TTC13: variants seen among roughly 807,000 people sequenced by gnomAD.
TTC13 encodes the protein tetratricopeptide repeat protein 13.
A neutral mutation model predicts 120.0 loss-of-function variants in TTC13; 62 were observed. The observed-to-expected ratio is 0.52, with a 90% confidence interval of 0.42 to 0.64. The LOEUF is 0.64. Among genes scored for constraint, TTC13 ranks in the 30% least tolerant of loss-of-function variants. TTC13 has a pLI of 0.00. For synonymous variants in TTC13, 384 were observed against 393.5 expected (o/e 0.98, Z 0.28); for missense variants, 824 against 1,050.2 (o/e 0.78, Z 2.98).
chr1:230,931,453 G>C lies in TTC13; in HGVS notation c.1145C>G (p.Pro382Arg), dbSNP rs201099425. The C allele has an allele frequency of 6.2e-7, 1 of 1,613,960 alleles. No homozygotes were observed. The highest frequency in any genetic ancestry group is 1.3e-5 in the African/African-American group (1 of 74,908). The change falls in exon 11 of 23, where the codon CCA becomes CGA. Residue 382 changes from proline to arginine, a missense_variant. Pro to Arg is a moderately radical substitution (Grantham distance 103). Around this residue, in one of 4 missense-constraint regions of TTC13, gnomAD observed 430 missense variants for 626.8 expected, o/e 0.69. Coordinates refer to ENST00000366661, the MANE Select transcript of TTC13 (RefSeq NM_024525.5). The stretch of plus-strand genomic sequence containing the variant: ...CATATACTGGCACACTTCATTATAT[G>C]GCTCTAGCTGCAGACACCGCTGAGG... Reference protein sequence around the residue: ...KNFKRCLQLEPYNEVCQYMKG... With the variant: ...KNFKRCLQLERYNEVCQYMKG...
At chr1:230,958,388 ATTAAGGCTACATTTGAT>A in intron 2 of TTC13, 89 bp from the exon 3 acceptor site, 1 of 1,426,834 alleles carries the variant, frequency 7.0e-7, no homozygotes, top group Non-Finnish European at 9.4e-7. Context: ...AAAAATTAAA[ATTAAGGCTACATTTGAT>A]TTAAGTGGAA....
At chr1:230,931,174 G>T in intron 11 of TTC13, 124 bp downstream of exon 11, 1 of 903,934 alleles carries the variant, frequency 1.1e-6, no homozygotes, top group Non-Finnish European at 1.7e-6. Flanking sequence ...AGGTGTGGCT[G>T]TGGATGAGTC....
chr1:230,923,034 A>G (rs1418848601), intron 15 of TTC13, among the ~76,000 whole-genome samples: 1 of 152,236 alleles, frequency 6.6e-6, no homozygotes, highest in Non-Finnish European at 1.5e-5. Context: ...AAATATACAT[A>G]CAAATTATAT....
chr1:230,908,696 C>G lies in TTC13; in HGVS notation c.2468+16G>C, dbSNP rs1298508568. ...CAGTTATGATACCCTTGTGTGGACC[C>G]CCCTCAAGTAGTTACCTTTTCAAGT... On this transcript the variant is annotated intron_variant, in intron 22 of 22. Coordinates refer to ENST00000366661, the MANE Select transcript of TTC13 (RefSeq NM_024525.5). 2.5e-6 allele frequency: 4 copies of G among 1,609,856 alleles called. No individual in the cohort carries two copies. In the South Asian group the frequency reaches 4.4e-5, roughly 18 times the overall value.
At chr1:230,945,055 A>G (rs1674861777) in intron 5 of TTC13, among the ~76,000 whole-genome samples, 1 of 152,214 alleles carries the variant, frequency 6.6e-6, no homozygotes, top group Admixed American at 6.5e-5. Flanking sequence ...TTCTTTCACC[A>G]ACCTTTAATA....
chr1:230,956,458 A>C, intron 3 of TTC13: 1 of 259,300 alleles, frequency 3.9e-6, no homozygotes, highest in Non-Finnish European at 7.5e-6. Flanking sequence ...CACTTCTCAT[A>C]ACTGTCTGGT....
intron 1 of TTC13, among the ~76,000 whole-genome samples, chr1:230,967,836 G>A (rs1677279902): frequency 6.6e-6 from 1 of 152,108 alleles, no homozygotes; most frequent in South Asian, 2.1e-4. Context: ...TACATAAATA[G>A]TATAAATTTC....
chr1:230,945,563 A>T lies in TTC13; in HGVS notation c.514-109T>A. 3 of 927,348 alleles carry T rather than the reference A, an allele frequency of 3.2e-6. No homozygotes were observed. In the South Asian group the frequency reaches 3.9e-5, roughly 12 times the overall value. The allele number at this position is 927,348 out of a possible 1,614,324, so 57.4% of individuals were successfully genotyped here. On this transcript the variant is annotated intron_variant, in intron 4 of 22. Coordinates refer to ENST00000366661, the MANE Select transcript of TTC13 (RefSeq NM_024525.5). ...CCGCAAGTGACAGCTCTACTTCTTT[A>T]TGCTACGACCACTCGTAAGTCAATA... is the stretch of plus-strand genomic sequence containing the variant.
chr1:230,912,648 ACTTTTC>A lies in TTC13; in HGVS notation c.2198_2203del (p.Gly733_Lys734del), dbSNP rs769209352. On this transcript the variant is annotated inframe_deletion, in exon 19 of 23. Transcript: ENST00000366661. ...CCCAAATTCTGATGAAAGAATCAAT[ACTTTTC>A]CTTTTGCTGTCAAATCTTTATAAAG... is the stretch of plus-strand genomic sequence containing the variant. 1 of 1,612,350 alleles carries A rather than the reference ACTTTTC, an allele frequency of 6.2e-7. No individual in the cohort carries two copies. Among genetic ancestry groups the A allele is most frequent in the South Asian group, 1.1e-5 (1 of 90,746 alleles).
intron 6 of TTC13, 108 bp downstream of exon 6, chr1:230,943,698 T>A (rs1674727889): frequency 3.7e-6 from 3 of 813,642 alleles, no homozygotes; most frequent in Admixed American, 5.3e-5. Context: ...TAGAAAAACA[T>A]AAGAGTTTTA....
rs779700101 is a variant in TTC13, at chr1:230,978,788, C to T, written c.43G>A (p.Gly15Ser). Residue 15 changes from glycine (G) to serine (S), a missense_variant, in exon 1 of 23, where the codon GGC (glycine) becomes AGC (serine). By Grantham distance (56) the Gly-to-Ser change is moderately conservative. Coordinates refer to ENST00000366661, the MANE Select transcript of TTC13 (RefSeq NM_024525.5). The surrounding 1 kb of genome is among the most constrained non-coding windows in gnomAD (Gnocchi z 5.6). The stretch of plus-strand genomic sequence containing the variant: ...GCGGCGCCCGCGGCGGCCACAGCGC[C>T]GCCCCAGAAGCAGCAGCAGCAGCAG... ...GCCCCCCFWG[G>S]AVAAAGAARR... The T allele has an allele frequency of 2.0e-4, 304 of 1,498,820 alleles. No individual in the cohort carries two copies. Among genetic ancestry groups the T allele is most frequent in the Non-Finnish European group, 2.5e-4 (286 of 1,133,384 alleles). 92.8% of individuals were successfully genotyped at this position (1,498,820 alleles called of 1,614,324 possible). A position where few individuals can be genotyped will look rare whatever the true frequency, so the allele number is the denominator to read the frequency against.
intron 8 of TTC13, among the ~76,000 whole-genome samples, chr1:230,934,424 T>C (rs1309077264): frequency 6.6e-6 from 1 of 152,112 alleles, no homozygotes; most frequent in Non-Finnish European, 1.5e-5. Context: ...AACCTTAAGT[T>C]GGAGGTGTTT....
intron 1 of TTC13, among the ~76,000 whole-genome samples, chr1:230,965,436 G>C (rs1677038595): frequency 6.6e-6 from 1 of 152,190 alleles, no homozygotes; most frequent in African/African-American, 2.4e-5. Context: ...TCTCACCCCA[G>C]TTAAAATGGT....
At chr1:230,948,658 T>A (rs1355728502) in intron 4 of TTC13, among the ~76,000 whole-genome samples, 2 of 152,048 alleles carry the variant, frequency 1.3e-5, no homozygotes, top group South Asian at 4.2e-4. Flanking sequence ...AGGCTAATTT[T>A]AAAATTTTTT....
intron 1 of TTC13, among the ~76,000 whole-genome samples, chr1:230,976,673 A>G (rs550252364): frequency 2.9e-4 from 44 of 152,178 alleles, no homozygotes; most frequent in Non-Finnish European, 5.7e-4. Context: ...GCTAGAAAAA[A>G]TAAGTACTAC....
Position 230,978,825 on chromosome 1 carries a change from T to C in TTC13, c.6A>G (p.Ala2=). Residue 2 remains alanine (A), a synonymous_variant, in exon 1 of 23, where the codon GCA becomes GCG. Coordinates refer to ENST00000366661, the MANE Select transcript of TTC13 (RefSeq NM_024525.5). This position sits in a 1 kb window ranked among gnomAD's most constrained non-coding sequence, Gnocchi z 5.6. M[A]PAGCCCCCCF... ...AGCAGCAGCAGCAGCAGCCGGCAGG[T>C]GCCATCTTCCCTCAAGGCGCATGCG... is the stretch of plus-strand genomic sequence containing the variant. The C allele has an allele frequency of 6.8e-7, 1 of 1,477,042 alleles. No individual in the cohort carries two copies. The highest frequency in any genetic ancestry group is 8.9e-7 in the Non-Finnish European group (1 of 1,124,486). 91.5% of individuals were successfully genotyped at this position (1,477,042 alleles called of 1,614,324 possible).
chr1:230,940,804 C>CA lies in TTC13; in HGVS notation c.673-249dup, dbSNP rs1674470863. 6.6e-6 allele frequency among the ~76,000 whole-genome samples: 1 copy of CA among 152,322 alleles called. No individual in the cohort carries two copies. Among genetic ancestry groups the CA allele is most frequent in the Non-Finnish European group, 1.5e-5 (1 of 68,030 alleles). ...CAGCAACTGCCTTGTCACTATTTCA[C>CA]ATTCTGGGTTGTATCAGATGTTGCT... On this transcript the variant is annotated intron_variant, in intron 6 of 22. Transcript: ENST00000366661. The surrounding 1 kb of genome is among the most constrained non-coding windows in gnomAD (Gnocchi z 4.1).
At chr1:230,914,668 C>G (rs768199023) in intron 18 of TTC13, among the ~76,000 whole-genome samples, 1 of 152,208 alleles carries the variant, frequency 6.6e-6, no homozygotes, top group East Asian at 1.9e-4. Flanking sequence ...GCTAGGATTA[C>G]AGGCGTGAGC....
At chr1:230,914,075 C>T (rs1344698179) in intron 18 of TTC13, among the ~76,000 whole-genome samples, 1 of 152,052 alleles carries the variant, frequency 6.6e-6, no homozygotes, top group Non-Finnish European at 1.5e-5. Flanking sequence ...AGATGGGATG[C>T]CAGGCAGAGT....
Sources: gnomAD v4.1 joint callset for allele counts (sites outside exome capture counted in the v4.1 genomes callset) on GRCh38, gnomAD v4.1.1 for gene constraint, gnomAD v4.1.1 regional missense constraint, Gnocchi (gnomAD v3.1) non-coding constraint, MANE v1.5 for transcripts, NCBI Gene and HGNC (gene_info 2026-07-23, HGNC 2026-07-21) for gene names.